PRICKLE2: variants seen among roughly 807,000 people sequenced by gnomAD.
PRICKLE2 encodes the protein prickle planar cell polarity protein 2, also known as prickle-like protein 2.
In PRICKLE2, 21 loss-of-function variants were observed where a neutral mutation model predicts 81.4. The ratio of observed to expected loss-of-function variants is 0.26; its 90% CI spans 0.18 to 0.37. The LOEUF is 0.37. Ranked by LOEUF, PRICKLE2 falls within the 10% of genes least tolerant of loss-of-function variation. PRICKLE2 has a pLI of 1.00. For missense variants in PRICKLE2, 940 were observed against 1,109.0 expected, an observed-to-expected ratio of 0.85 and a Z score of 2.16; for synonymous variants, 456 against 421.5, an observed-to-expected ratio of 1.08 and a Z score of -1.00.
chr3:64,185,070 A>G (rs1575633990), intron 2 of PRICKLE2, among the ~76,000 whole-genome samples: 1 of 152,218 alleles, frequency 6.6e-6, no homozygotes, highest in Admixed American at 6.5e-5. Flanking sequence ...ATACAAGCCC[A>G]AATGTTAGGG....
chr3:64,256,391 T>C (rs756924258), intron 2 of PRICKLE2, among the ~76,000 whole-genome samples: 4 of 152,190 alleles, frequency 2.6e-5, no homozygotes, highest in Non-Finnish European at 4.4e-5. Flanking sequence ...TTTTAAATTT[T>C]GTCAAAAAAA....
At chr3:64,165,685 AT>A (rs374464907) in intron 2 of PRICKLE2, among the ~76,000 whole-genome samples, 217 of 152,126 alleles carry the variant, frequency 1.4e-3, no homozygotes, top group African/African-American at 5.0e-3. Flanking sequence ...TTTTTAAAAT[AT>A]TTTGGAGAGA....
At chr3:64,114,547 A>C (rs1046178305) in intron 7 of PRICKLE2, among the ~76,000 whole-genome samples, 2 of 152,166 alleles carry the variant, frequency 1.3e-5, no homozygotes, top group African/African-American at 2.4e-5. Context: ...TAGAGAGCTA[A>C]AAAAACCCAT....
chr3:64,121,976 CTG>C (rs1415060202), intron 7 of PRICKLE2, among the ~76,000 whole-genome samples: 6 of 152,144 alleles, frequency 3.9e-5, no homozygotes, highest in Non-Finnish European at 8.8e-5. Flanking sequence ...CCAGCTGAGT[CTG>C]TGATTTTGAT....
intron 2 of PRICKLE2, among the ~76,000 whole-genome samples, chr3:64,196,597 G>A (rs916325415): frequency 2.6e-5 from 4 of 151,992 alleles, no homozygotes; most frequent in Admixed American, 1.3e-4. Flanking sequence ...TCACAGACTG[G>A]GAGAAAGCAC....
chr3:64,140,690 C>T (rs924520677), intron 7 of PRICKLE2, among the ~76,000 whole-genome samples: 3 of 152,196 alleles, frequency 2.0e-5, no homozygotes, highest in Non-Finnish European at 2.9e-5. Context: ...CCCTTGGTGT[C>T]TCTTGCCCAG....
At chr3:64,226,800 G>A (rs910997943), upstream of PRICKLE2, among the ~76,000 whole-genome samples, 2 of 152,222 alleles carry the variant, frequency 1.3e-5, no homozygotes, top group Non-Finnish European at 2.9e-5. Context: ...CCAGGAGAGA[G>A]GCAAGAGCCA....
intron 7 of PRICKLE2, among the ~76,000 whole-genome samples, chr3:64,112,025 G>T (rs1209592476): frequency 1.3e-5 from 2 of 152,062 alleles, no homozygotes; most frequent in Non-Finnish European, 2.9e-5. Flanking sequence ...CTTCCTCAAC[G>T]GCACGTCTCA....
Position 64,249,478 on chromosome 3 carries a change from A to T in PRICKLE2, c.129-50511T>A, listed in dbSNP as rs1405799266. ...ATAGCTGCTACAGTAACTGTAGTAGACTTGCAAGATATTAACTGTCATTGT... is the reference window on the plus strand; with the variant it reads ...ATAGCTGCTACAGTAACTGTAGTAGTCTTGCAAGATATTAACTGTCATTGT... On this transcript the variant is annotated intron_variant, in intron 2 of 8. Transcript: ENST00000295902. Among the ~76,000 whole-genome samples, 2 of 152,208 alleles carry T rather than the reference A, an allele frequency of 1.3e-5. 1 individual carries two copies. The highest frequency in any genetic ancestry group is 4.8e-5 in the African/African-American group (2 of 41,452).
At chr3:64,146,479 C>T (rs1575588334) in intron 7 of PRICKLE2, 2 of 264,756 alleles carry the variant, frequency 7.6e-6, no homozygotes, top group Non-Finnish European at 7.4e-6. Flanking sequence ...CACGGTGGCT[C>T]ACGCCTGTAA....
chr3:64,179,396 T>A (rs2078087556), intron 2 of PRICKLE2, among the ~76,000 whole-genome samples: 1 of 152,086 alleles, frequency 6.6e-6, no homozygotes, highest in African/African-American at 2.4e-5. Flanking sequence ...ATTTTCTCCA[T>A]AAAGCACATC....
chr3:64,124,323 T>C (rs773412401), intron 7 of PRICKLE2, among the ~76,000 whole-genome samples: 2 of 152,192 alleles, frequency 1.3e-5, no homozygotes, highest in Non-Finnish European at 2.9e-5. Context: ...GCCATCGCCA[T>C]AACATAAAAG....
At position 64,161,245 on chromosome 3, in the gene PRICKLE2, A is replaced by G. The variant is rs540101128; in HGVS notation, c.259-1168T>C. ...CTCTCTCAATATGTGGTTTCGTTTC[A>G]TTTACTGCCATGTCCACATAACACT... is the stretch of plus-strand genomic sequence containing the variant. On this transcript the variant is annotated intron_variant, in intron 3 of 7. Coordinates refer to ENST00000638394, the MANE Select transcript of PRICKLE2 (RefSeq NM_198859.4). Among the ~76,000 whole-genome samples, 412 of 152,322 alleles carry G rather than the reference A, an allele frequency of 2.7e-3. 2 individuals carry two copies. Among genetic ancestry groups the G allele is most frequent in the Non-Finnish European group, 4.9e-3 (331 of 68,012 alleles).
At chr3:64,227,078 G>T (rs2079042445), upstream of PRICKLE2, among the ~76,000 whole-genome samples, 2 of 152,210 alleles carry the variant, frequency 1.3e-5, no homozygotes, top group Non-Finnish European at 2.9e-5. Flanking sequence ...GTCTTTTGTT[G>T]TATGTAATTG....
chr3:64,109,085 C>T (rs1689114587), intron 7 of PRICKLE2, among the ~76,000 whole-genome samples: 2 of 152,090 alleles, frequency 1.3e-5, no homozygotes, highest in South Asian at 2.1e-4. Flanking sequence ...GAGCTCTGTT[C>T]CTGTCCACCC....
intron 7 of PRICKLE2, among the ~76,000 whole-genome samples, chr3:64,113,432 T>C (rs998536872): frequency 6.6e-6 from 1 of 152,108 alleles, no homozygotes; most frequent in Admixed American, 6.5e-5. Flanking sequence ...CTTGGGTACC[T>C]TGGGGGCCCA....
intron 1 of PRICKLE2, among the ~76,000 whole-genome samples, chr3:64,203,015 T>C (rs1025723481): frequency 6.6e-6 from 1 of 152,234 alleles, no homozygotes; most frequent in Non-Finnish European, 1.5e-5. Flanking sequence ...TCTATCAAGA[T>C]GATTAGTTAT....
upstream of PRICKLE2, among the ~76,000 whole-genome samples, chr3:64,226,001 A>C: frequency 6.6e-6 from 1 of 151,168 alleles, no homozygotes; most frequent in South Asian, 2.1e-4. Context: ...AGCACAAGTG[A>C]CTCCTTTCCT....
chr3:64,211,583 A>G (rs935296503), intron 1 of PRICKLE2, among the ~76,000 whole-genome samples: 4 of 152,234 alleles, frequency 2.6e-5, no homozygotes, highest in Non-Finnish European at 5.9e-5. Flanking sequence ...GGGAGAGAAT[A>G]AGCAGCACAA....
Sources: allele counts gnomAD v4.1 joint callset (sites outside exome capture counted in the v4.1 genomes callset), GRCh38; gene constraint gnomAD v4.1.1; transcripts MANE v1.5; gene names NCBI Gene and HGNC (gene_info 2026-07-23, HGNC 2026-07-21).